PLCB4: variants seen among roughly 807,000 people sequenced by gnomAD.
PLCB4 encodes 1-phosphatidylinositol 4,5-bisphosphate phosphodiesterase beta-4.
In PLCB4, 77 loss-of-function variants were observed where a neutral mutation model predicts 178.8. The ratio of observed to expected loss-of-function variants is 0.43; its 90% CI spans 0.36 to 0.52. The LOEUF (loss-of-function observed/expected upper bound fraction) is 0.52. Among genes scored for constraint, PLCB4 ranks in the 20% least tolerant of loss-of-function variants. PLCB4 has a pLI of 0.00. For synonymous variants in PLCB4, 496 were observed against 490.8 expected (o/e 1.01, Z -0.14); for missense variants, 1,024 against 1,453.4 (o/e 0.70, Z 4.80).
chr20:9,400,795 T>G (rs1251451817), intron 19 of PLCB4, among the ~76,000 whole-genome samples: 2 of 152,226 alleles, frequency 1.3e-5, no homozygotes, highest in African/African-American at 4.8e-5. Flanking sequence ...TCTGGCATTC[T>G]TGTCACTTTC....
rs1354077915 is a variant in PLCB4 at position 9,243,579 on chromosome 20, C to G, written c.-16+26127C>G. ...TTTCTCAAGGCTCTTGATGACTTCT[C>G]TGTTTGAAGCTGCAATTTTTTGCAT... On this transcript the variant is annotated intron_variant, in intron 3 of 39. Coordinates refer to ENST00000378473, the MANE Select transcript of PLCB4 (RefSeq NM_001377142.1). Among the ~76,000 whole-genome samples the G allele has an allele frequency of 2.6e-5, 4 of 152,324 alleles. No individual in the cohort carries two copies. In the East Asian group the frequency reaches 7.7e-4, roughly 29 times the overall value.
intron 2 of PLCB4, among the ~76,000 whole-genome samples, chr20:9,214,930 G>A (rs1249580957): frequency 6.6e-6 from 1 of 152,160 alleles, no homozygotes; most frequent in East Asian, 1.9e-4. Flanking sequence ...AGTTGCTAGG[G>A]AATTAAAGAA....
chr20:9,324,340 C>T (rs1229787320), intron 4 of PLCB4, among the ~76,000 whole-genome samples: 5 of 151,898 alleles, frequency 3.3e-5, no homozygotes, highest in South Asian at 2.1e-4. Context: ...GGAGGAGAAT[C>T]GCTTGAACTC....
chr20:9,375,272 C>G (rs2036574920), intron 12 of PLCB4, among the ~76,000 whole-genome samples: 1 of 152,120 alleles, frequency 6.6e-6, no homozygotes, highest in South Asian at 2.1e-4. Flanking sequence ...AAAAACACCC[C>G]TTGGGCAGAA....
chr20:9,112,256 CTT>C (rs924027156), intron 2 of PLCB4, among the ~76,000 whole-genome samples: 20 of 137,100 alleles, frequency 1.5e-4, no homozygotes, highest in South Asian at 2.4e-4. Flanking sequence ...ATACCCTACT[CTT>C]TTTTTTTTTT....
chr20:9,211,455 TACAGTCAA>T (rs748817751), intron 2 of PLCB4, among the ~76,000 whole-genome samples: 3 of 152,200 alleles, frequency 2.0e-5, no homozygotes, highest in Non-Finnish European at 4.4e-5. Flanking sequence ...GCCTCAGACC[TACAGTCAA>T]ACAGAATGTG....
intron 4 of PLCB4, among the ~76,000 whole-genome samples, chr20:9,319,025 G>A (rs2094930807): frequency 6.6e-6 from 1 of 152,180 alleles, no homozygotes; most frequent in Admixed American, 6.5e-5. Context: ...CATCAGGCTA[G>A]TGGTGAAGAG....
At chr20:9,426,365 CT>C (rs1310524818) in intron 28 of PLCB4, among the ~76,000 whole-genome samples, 1 of 152,030 alleles carries the variant, frequency 6.6e-6, no homozygotes, top group Admixed American at 6.6e-5. Context: ...CTTCCAGTCT[CT>C]TTTTTTCCTG....
chr20:9,367,541 C>T (rs2035887639), intron 9 of PLCB4, among the ~76,000 whole-genome samples: 1 of 152,198 alleles, frequency 6.6e-6, no homozygotes, highest in South Asian at 2.1e-4. Context: ...CAGTACCCTA[C>T]AGCTATTGCA....
chr20:9,428,990 G>T (rs895369667), intron 28 of PLCB4, among the ~76,000 whole-genome samples: 1 of 152,180 alleles, frequency 6.6e-6, no homozygotes, highest in Non-Finnish European at 1.5e-5. Flanking sequence ...CAGGGAGGAA[G>T]GGAGGGGAAA....
chr20:9,316,858 A>C (rs899289722), intron 4 of PLCB4, among the ~76,000 whole-genome samples: 1 of 152,194 alleles, frequency 6.6e-6, no homozygotes, highest in African/African-American at 2.4e-5. Context: ...CCTTTGAAAT[A>C]ACAGTGCTGA....
At chr20:9,242,386 C>G (rs894624468) in intron 3 of PLCB4, among the ~76,000 whole-genome samples, 2 of 152,154 alleles carry the variant, frequency 1.3e-5, no homozygotes, top group Non-Finnish European at 2.9e-5. Flanking sequence ...AGGCTCCTTC[C>G]TAATAACAAG....
intron 2 of PLCB4, among the ~76,000 whole-genome samples, chr20:9,145,655 A>T (rs1274533601): frequency 2.0e-5 from 3 of 152,036 alleles, no homozygotes; most frequent in Non-Finnish European, 2.9e-5. Flanking sequence ...CGTTCATTTC[A>T]TCTTCCATCT....
chr20:9,332,322 A>G (rs2031799760), intron 4 of PLCB4, among the ~76,000 whole-genome samples: 1 of 152,174 alleles, frequency 6.6e-6, no homozygotes, highest in South Asian at 2.1e-4. Context: ...GTGAAATTTA[A>G]AACTGCTGTT....
chr20:9,346,488 A>T (rs913369025), intron 7 of PLCB4, among the ~76,000 whole-genome samples: 43 of 152,200 alleles, frequency 2.8e-4, no homozygotes, highest in African/African-American at 1.0e-3. Context: ...ATACTAATTA[A>T]TAAAAGCTTC....
intron 3 of PLCB4, among the ~76,000 whole-genome samples, chr20:9,293,243 G>T (rs190150934): frequency 6.7e-5 from 10 of 148,882 alleles, no homozygotes; most frequent in African/African-American, 2.5e-4. Flanking sequence ...AGGAAGGGAA[G>T]AAAGAAAGGG....
chr20:9,218,110 GT>G, intron 3 of PLCB4, among the ~76,000 whole-genome samples: 1 of 152,188 alleles, frequency 6.6e-6, no homozygotes, highest in Admixed American at 6.5e-5. Flanking sequence ...ATTGCTGTTT[GT>G]TTATTTATTT....
intron 7 of PLCB4, among the ~76,000 whole-genome samples, chr20:9,350,928 A>G (rs2034277370): frequency 6.6e-6 from 1 of 152,206 alleles, no homozygotes; most frequent in Admixed American, 6.5e-5. Context: ...TTTCACCTGT[A>G]ACACTGTGTG....
chr20:9,286,968 AT>A (rs1324563353), intron 3 of PLCB4, among the ~76,000 whole-genome samples: 1 of 152,066 alleles, frequency 6.6e-6, no homozygotes, highest in Non-Finnish European at 1.5e-5. Context: ...AGAATACCAT[AT>A]TTATGAGTGA....
Sources: allele counts gnomAD v4.1 joint callset (sites outside exome capture counted in the v4.1 genomes callset), GRCh38; gene constraint gnomAD v4.1.1; transcripts MANE v1.5; gene names NCBI Gene and HGNC (gene_info 2026-07-23, HGNC 2026-07-21).